ADGRL3: variants seen among roughly 807,000 people sequenced by gnomAD.
ADGRL3 encodes calcium-independent alpha-latrotoxin receptor 3.
A neutral mutation model predicts 153.5 loss-of-function variants in ADGRL3; 62 were observed. The ratio of observed to expected loss-of-function variants is 0.40; its 90% CI spans 0.33 to 0.50. The LOEUF (loss-of-function observed/expected upper bound fraction) is 0.50. ADGRL3 is among the 20% of genes least tolerant of loss of function. The pLI, the probability that ADGRL3 is intolerant of heterozygous loss-of-function variation, is 0.47. For missense variants in ADGRL3, 1,641 were observed against 1,859.4 expected (o/e 0.88, Z 2.16); for synonymous variants, 710 against 672.5 (o/e 1.06, Z -0.86).
At chr4:61,673,103 A>C (rs1221507761) in intron 5 of ADGRL3, among the ~76,000 whole-genome samples, 1 of 151,930 alleles carries the variant, frequency 6.6e-6, no homozygotes, top group Non-Finnish European at 1.5e-5. Context: ...ATACTATTTG[A>C]TCCCTCTTAT....
At chr4:61,512,296 A>G (rs914860629) in intron 3 of ADGRL3, among the ~76,000 whole-genome samples, 2 of 152,156 alleles carry the variant, frequency 1.3e-5, no homozygotes, top group Non-Finnish European at 2.9e-5. Context: ...AATGAGTCAT[A>G]GGTAGTAGGA....
chr4:61,799,036 T>C (rs1299733429), intron 8 of ADGRL3, among the ~76,000 whole-genome samples: 11 of 120,872 alleles, frequency 9.1e-5, no homozygotes, highest in African/African-American at 2.3e-4. Flanking sequence ...TATATATATA[T>C]ATACCATATA....
At chr4:61,461,688 G>T (rs1042454123) in intron 2 of ADGRL3, among the ~76,000 whole-genome samples, 1 of 152,202 alleles carries the variant, frequency 6.6e-6, no homozygotes, top group African/African-American at 2.4e-5. Flanking sequence ...TATTGTGTAT[G>T]AATTATATTT....
chr4:61,430,794 AT>A (rs930226521), intron 2 of ADGRL3, among the ~76,000 whole-genome samples: 27 of 152,268 alleles, frequency 1.8e-4, no homozygotes, highest in Non-Finnish European at 3.2e-4. Context: ...GTAGAATTAA[AT>A]TTTTTGTGAG....
chr4:61,610,729 C>G (rs1313192101), intron 5 of ADGRL3, among the ~76,000 whole-genome samples: 1 of 151,592 alleles, frequency 6.6e-6, no homozygotes, highest in Non-Finnish European at 1.5e-5. Context: ...TGTCGGTGGA[C>G]AGATAAAAGA....
rs778927229 is a variant in ADGRL3 at position 61,892,914 on chromosome 4, G to A, written c.1739G>A (p.Arg580His). 9.6e-6 allele frequency: 15 copies of A among 1,557,164 alleles called. No individual in the cohort carries two copies. Among genetic ancestry groups the A allele is most frequent in the South Asian group, 5.0e-5 (4 of 80,280 alleles). The change falls in exon 10 of 27, where the codon CGT (arginine) becomes CAT (histidine). Residue 580 changes from arginine (R) to histidine (H), a missense_variant. Physicochemically the swap from Arg to His is conservative, Grantham distance 29. Around this residue, in one of 5 missense-constraint regions of ADGRL3, gnomAD observed 734 missense variants for 797.0 expected, o/e 0.92. Coordinates refer to ENST00000683033, the MANE Select transcript of ADGRL3 (RefSeq NM_001387552.1). The stretch of plus-strand genomic sequence containing the variant: ...CGAGAAATCATGTGGTTTAAGACTC[G>A]TCAAGGACAGATAGCAAAGCAGCCA... ...EAREIMWFKT[R>H]QGQIAKQPCP...
intron 4 of ADGRL3, among the ~76,000 whole-genome samples, chr4:61,520,413 T>C (rs1039572184): frequency 6.6e-6 from 1 of 152,158 alleles, no homozygotes; most frequent in Non-Finnish European, 1.5e-5. Context: ...AGTACAACTT[T>C]TCACTAGGAA....
At chr4:61,564,293 G>A (rs1394177433) in intron 4 of ADGRL3, among the ~76,000 whole-genome samples, 2 of 151,730 alleles carry the variant, frequency 1.3e-5, no homozygotes. Context: ...GTTTGTTTTT[G>A]AGACAGGATC....
At chr4:61,242,070 T>C (rs1755197726) in intron 1 of ADGRL3, among the ~76,000 whole-genome samples, 1 of 152,064 alleles carries the variant, frequency 6.6e-6, no homozygotes, top group Non-Finnish European at 1.5e-5. Context: ...CTGTACCGTT[T>C]CTTCAGTTGT....
intron 4 of ADGRL3, among the ~76,000 whole-genome samples, chr4:61,535,587 T>C (rs2098650725): frequency 6.6e-6 from 1 of 150,618 alleles, no homozygotes. Flanking sequence ...TTGTTGGTAG[T>C]TTTTTTTACT....
intron 5 of ADGRL3, among the ~76,000 whole-genome samples, chr4:61,653,892 A>G (rs979842186): frequency 1.3e-5 from 2 of 152,172 alleles, no homozygotes; most frequent in African/African-American, 2.4e-5. Flanking sequence ...TTTCCAGAGA[A>G]AAATCCAGGT....
At chr4:61,939,672 A>C (rs960420217) in intron 15 of ADGRL3, among the ~76,000 whole-genome samples, 1 of 151,734 alleles carries the variant, frequency 6.6e-6, no homozygotes, top group Non-Finnish European at 1.5e-5. Context: ...GTTTCGCCAT[A>C]TTGGTCAGGC....
At chr4:61,758,562 C>A (rs920101439) in intron 8 of ADGRL3, among the ~76,000 whole-genome samples, 1 of 152,062 alleles carries the variant, frequency 6.6e-6, no homozygotes, top group Non-Finnish European at 1.5e-5. Flanking sequence ...TTATTTTGAG[C>A]CTATGTGTGT....
At chr4:61,702,124 A>T (rs1173009504) in intron 6 of ADGRL3, among the ~76,000 whole-genome samples, 1 of 152,142 alleles carries the variant, frequency 6.6e-6, no homozygotes, top group Non-Finnish European at 1.5e-5. Context: ...TATGTAAAGG[A>T]TGATAGGAAT....
chr4:61,224,315 A>G (rs1198601516), intron 1 of ADGRL3, among the ~76,000 whole-genome samples: 2 of 152,158 alleles, frequency 1.3e-5, no homozygotes, highest in African/African-American at 4.8e-5. Context: ...CGTTAAATAT[A>G]TGTTGTTTCA....
intron 4 of ADGRL3, among the ~76,000 whole-genome samples, chr4:61,560,317 G>A (rs2098789483): frequency 6.6e-6 from 1 of 151,980 alleles, no homozygotes; most frequent in Non-Finnish European, 1.5e-5. Context: ...TGGTTAATAA[G>A]GTATCTTTTA....
intron 2 of ADGRL3, among the ~76,000 whole-genome samples, chr4:61,450,359 A>G (rs2097659044): frequency 6.6e-6 from 1 of 152,122 alleles, no homozygotes; most frequent in Non-Finnish European, 1.5e-5. Flanking sequence ...TAATGCAATG[A>G]TTTTCTTTTA....
chr4:61,406,517 GT>G, intron 2 of ADGRL3, among the ~76,000 whole-genome samples: 1 of 151,310 alleles, frequency 6.6e-6, no homozygotes, highest in South Asian at 2.1e-4. Context: ...GTCTAATGTT[GT>G]TTTTACTGTC....
chr4:61,580,415 G>C (rs879645555), intron 4 of ADGRL3, among the ~76,000 whole-genome samples: 1 of 151,978 alleles, frequency 6.6e-6, no homozygotes, highest in African/African-American at 2.4e-5. Flanking sequence ...CTATTTGTAC[G>C]ATCATTCATA....
Sources: gnomAD v4.1 joint callset for allele counts (sites outside exome capture counted in the v4.1 genomes callset) on GRCh38, gnomAD v4.1.1 for gene constraint, gnomAD v4.1.1 regional missense constraint, MANE v1.5 for transcripts, NCBI Gene and HGNC (gene_info 2026-07-23, HGNC 2026-07-21) for gene names.